The following SLC24A3 variants were observed in gnomAD, a reference collection of about 807,000 sequenced individuals.
SLC24A3 encodes the protein solute carrier family 24 member 3, also known as sodium/potassium/calcium exchanger 3.
A neutral mutation model predicts 75.8 loss-of-function variants in SLC24A3; 28 were observed. The observed-to-expected ratio is 0.37, with a 90% CI of 0.27 to 0.51. SLC24A3 has a LOEUF of 0.51. Among genes scored for constraint, SLC24A3 ranks in the 20% least tolerant of loss-of-function variants. The pLI, the probability that SLC24A3 is intolerant of heterozygous loss-of-function variation, is 0.94. For synonymous variants in SLC24A3, 372 were observed against 334.1 expected (o/e 1.11, Z -1.24); for missense variants, 663 against 847.8 (o/e 0.78, Z 2.71).
At chr20:19,218,220 A>T (rs967722903) in intron 1 of SLC24A3, among the ~76,000 whole-genome samples, 8 of 152,174 alleles carry the variant, frequency 5.3e-5, no homozygotes, top group Admixed American at 2.0e-4. Flanking sequence ...CATGGATTTT[A>T]TTGTCATGAT....
intron 6 of SLC24A3, among the ~76,000 whole-genome samples, chr20:19,598,231 G>A (rs183096017): frequency 9.1e-4 from 139 of 152,248 alleles, no homozygotes; most frequent in Non-Finnish European, 1.5e-4. Flanking sequence ...TGCTGCAGCT[G>A]CTCTTTCCTG....
chr20:19,575,959 C>T (rs1309831402), intron 3 of SLC24A3, among the ~76,000 whole-genome samples: 1 of 152,080 alleles, frequency 6.6e-6, no homozygotes, highest in Admixed American at 6.5e-5. Flanking sequence ...GATCTTTATA[C>T]AGGGAGATAG....
intron 2 of SLC24A3, among the ~76,000 whole-genome samples, chr20:19,316,159 T>C (rs1319145740): frequency 6.6e-6 from 1 of 152,202 alleles, no homozygotes; most frequent in Non-Finnish European, 1.5e-5. Context: ...TGAAGTACAC[T>C]TTCTACTGAA....
At chr20:19,215,440 T>C (rs1311423087) in intron 1 of SLC24A3, among the ~76,000 whole-genome samples, 1 of 152,186 alleles carries the variant, frequency 6.6e-6, no homozygotes, top group Admixed American at 6.5e-5. Context: ...GTAATATTTA[T>C]ATAATCTCAT....
intron 3 of SLC24A3, among the ~76,000 whole-genome samples, chr20:19,533,357 C>T (rs1453847381): frequency 1.3e-5 from 2 of 152,148 alleles, no homozygotes; most frequent in Non-Finnish European, 2.9e-5. Flanking sequence ...CTGGGTATTT[C>T]GTGGCTACCC....
intron 2 of SLC24A3, among the ~76,000 whole-genome samples, chr20:19,471,575 A>G (rs942346805): frequency 3.3e-5 from 5 of 152,154 alleles, no homozygotes; most frequent in Non-Finnish European, 4.4e-5. Context: ...TACCCCCATA[A>G]TGGCCAATGT....
intron 10 of SLC24A3, 90 bp from the exon 11 acceptor site, chr20:19,684,086 A>T: frequency 7.0e-7 from 1 of 1,419,088 alleles, no homozygotes; most frequent in Non-Finnish European, 9.7e-7. Flanking sequence ...GAAGGGAGGA[A>T]GAGAAAAGAA....
chr20:19,261,717 C>T (rs1482193714), intron 1 of SLC24A3: 3 of 152,160 alleles, frequency 2.0e-5, no homozygotes, highest in African/African-American at 7.2e-5. Flanking sequence ...ACCTGTGTAG[C>T]GCCAGCTTCC....
intron 2 of SLC24A3, among the ~76,000 whole-genome samples, chr20:19,314,711 G>A (rs1205174186): frequency 6.6e-6 from 1 of 152,218 alleles, no homozygotes; most frequent in Non-Finnish European, 1.5e-5. Context: ...CTGCCATCAG[G>A]CAGCCTGTAA....
At chr20:19,622,361 T>C (rs2031815484) in intron 6 of SLC24A3, among the ~76,000 whole-genome samples, 1 of 152,198 alleles carries the variant, frequency 6.6e-6, no homozygotes, top group Non-Finnish European at 1.5e-5. Context: ...CAAGATATTA[T>C]GGCTGGGTCA....
At chr20:19,716,799 G>A (rs2033050896) in intron 15 of SLC24A3, among the ~76,000 whole-genome samples, 2 of 152,142 alleles carry the variant, frequency 1.3e-5, no homozygotes, top group African/African-American at 2.4e-5. Flanking sequence ...ACTTGTGGCT[G>A]GGAGGTTGAG....
intron 8 of SLC24A3, among the ~76,000 whole-genome samples, chr20:19,666,489 C>T (rs1407098006): frequency 2.6e-5 from 4 of 151,934 alleles, no homozygotes; most frequent in Non-Finnish European, 5.9e-5. Context: ...CTGGGCGACA[C>T]AGTGAGACTC....
At chr20:19,345,118 T>C (rs1985361349) in intron 2 of SLC24A3, among the ~76,000 whole-genome samples, 2 of 152,118 alleles carry the variant, frequency 1.3e-5, no homozygotes, top group Non-Finnish European at 2.9e-5. Flanking sequence ...AACTAATAAG[T>C]AATTATAACA....
In SLC24A3 at chr20:19,715,253, C is replaced by T. The variant is rs57229008; in HGVS notation, c.1720-2275C>T. Among the ~76,000 whole-genome samples the T allele has an allele frequency of 2.1e-3, 324 of 152,282 alleles. 1 individual carries two copies. The highest frequency in any genetic ancestry group is 7.2e-3 in the African/African-American group (298 of 41,556). On this transcript the variant is annotated intron_variant, in intron 15 of 16. Transcript: ENST00000328041. ...GAAAATCTTCAGTACAACCCATTTG[C>T]GATGCAGTCTTGTATGCTGGCCTCT...
At chr20:19,526,100 G>A (rs1445102231) in intron 3 of SLC24A3, among the ~76,000 whole-genome samples, 4 of 152,120 alleles carry the variant, frequency 2.6e-5, no homozygotes, top group East Asian at 3.9e-4. Flanking sequence ...CAGTCTCCCC[G>A]ATAGCTCTTC....
At chr20:19,235,258 A>G (rs1215450801) in intron 1 of SLC24A3, among the ~76,000 whole-genome samples, 4 of 152,198 alleles carry the variant, frequency 2.6e-5, no homozygotes, top group African/African-American at 9.7e-5. Context: ...TGAAGGTGCT[A>G]CCCACTCATC....
intron 7 of SLC24A3, among the ~76,000 whole-genome samples, chr20:19,664,980 C>T (rs2032380557): frequency 6.6e-6 from 1 of 152,226 alleles, no homozygotes; most frequent in Non-Finnish European, 1.5e-5. Context: ...CTCTGTGACT[C>T]AGTTTCCCTG....
intron 2 of SLC24A3, among the ~76,000 whole-genome samples, chr20:19,408,599 A>C (rs954911871): frequency 2.0e-5 from 3 of 152,100 alleles, no homozygotes; most frequent in African/African-American, 7.2e-5. Flanking sequence ...CATGTTGGCC[A>C]AGCTGGTCTC....
At chr20:19,689,004 T>C (rs6046247) in intron 12 of SLC24A3, among the ~76,000 whole-genome samples, 2,946 of 152,294 alleles carry the variant, frequency 0.019, 107 homozygotes, top group African/African-American at 0.067. Flanking sequence ...ACACTTGGTA[T>C]ATGCACATAC....
Sources: gnomAD v4.1 joint callset for allele counts (sites outside exome capture counted in the v4.1 genomes callset) on GRCh38, gnomAD v4.1.1 for gene constraint, MANE v1.5 for transcripts, NCBI Gene and HGNC (gene_info 2026-07-23, HGNC 2026-07-21) for gene names.